HOOK3: variants seen among roughly 807,000 people sequenced by gnomAD.
The protein encoded by HOOK3 is protein Hook homolog 3.
HOOK3 carries 24 observed loss-of-function variants against 116.3 expected under a neutral mutation model. The observed-to-expected ratio is 0.21, with a 90% CI of 0.15 to 0.29. The LOEUF (loss-of-function observed/expected upper bound fraction) is 0.29. HOOK3 is among the 10% of genes least tolerant of loss of function. The pLI, the probability that HOOK3 is intolerant of heterozygous loss-of-function variation, is 1.00. For synonymous variants in HOOK3, 275 were observed against 283.0 expected (o/e 0.97, Z 0.28); for missense variants, 632 against 830.2 (o/e 0.76, Z 2.93).
Position 42,900,463 on chromosome 8 carries a change from A to T in HOOK3, c.57+3275A>T, listed in dbSNP as rs570399975. Among the ~76,000 whole-genome samples, 9 of 152,318 alleles carry T rather than the reference A, an allele frequency of 5.9e-5. No individual in the cohort carries two copies. In the South Asian group the frequency reaches 1.9e-3, roughly 32 times the overall value. On this transcript the variant is annotated intron_variant, in intron 1 of 21. Coordinates refer to ENST00000307602, the MANE Select transcript of HOOK3 (RefSeq NM_032410.4). Reference sequence around the variant, plus strand: ...TTTGGGATAACCTAGCAACATTAATATGTCCTTATTGTTTTCATATTACTT... The same window carrying T: ...TTTGGGATAACCTAGCAACATTAATTTGTCCTTATTGTTTTCATATTACTT...
rs371703999 is a variant in HOOK3 at position 43,010,423 on chromosome 8, A to G, written c.1839+18A>G. The G allele has an allele frequency of 2.9e-6, 3 of 1,045,152 alleles. No individual in the cohort carries two copies. The highest frequency in any genetic ancestry group is 3.3e-5 in the African/African-American group (2 of 60,222). 64.7% of individuals were successfully genotyped at this position (1,045,152 alleles called of 1,614,324 possible). On this transcript the variant is annotated intron_variant, in intron 19 of 21. Transcript: ENST00000307602. ...CCAAAAGTGTAAGTATGAATTTTGT[A>G]GGCATCTCACTCTACCTTCTGATCA...
chr8:42,986,608 C>T (rs1227659296), intron 14 of HOOK3, 47 bp from the exon 15 acceptor site: 1 of 1,487,346 alleles, frequency 6.7e-7, no homozygotes, highest in African/African-American at 1.4e-5. Flanking sequence ...TATTAATGCA[C>T]CAAATGACTG....
chr8:42,995,019 A>G (rs138804571), intron 15 of HOOK3, among the ~76,000 whole-genome samples: 2,005 of 152,336 alleles, frequency 0.013, 47 homozygotes, highest in African/African-American at 0.045. Context: ...TGGTATTACT[A>G]GTAATGTGTT....
intron 14 of HOOK3, among the ~76,000 whole-genome samples, chr8:42,984,773 A>G (rs891796295): frequency 1.3e-5 from 2 of 151,994 alleles, no homozygotes; most frequent in African/African-American, 4.8e-5. Context: ...GTGTGCTAGC[A>G]CACGCCTGTA....
chr8:42,906,321 C>A, intron 2 of HOOK3, 63 bp downstream of exon 2: 1 of 1,205,826 alleles, frequency 8.3e-7, no homozygotes, highest in Non-Finnish European at 1.2e-6. Context: ...AGGTTGAAAA[C>A]ATGGATTAAA....
At chr8:42,973,485 T>G in intron 12 of HOOK3, 86 bp downstream of exon 12, 3 of 780,412 alleles carry the variant, frequency 3.8e-6, no homozygotes, top group Middle Eastern at 2.5e-4. Flanking sequence ...CACATTCATT[T>G]AAGTTATGAA....
intron 1 of HOOK3, among the ~76,000 whole-genome samples, chr8:42,899,420 G>T (rs1586581098): frequency 6.6e-6 from 1 of 152,146 alleles, no homozygotes; most frequent in East Asian, 1.9e-4. Context: ...AAGATGTACA[G>T]TTCTAAAATT....
chr8:42,935,441 T>C (rs1807948914), intron 4 of HOOK3, among the ~76,000 whole-genome samples: 2 of 152,180 alleles, frequency 1.3e-5, no homozygotes, highest in Admixed American at 1.3e-4. Context: ...TTGCTTTTGG[T>C]GTTTTAGTCA....
At chr8:42,943,532 C>T in intron 5 of HOOK3, 87 bp downstream of exon 5, 2 of 854,406 alleles carry the variant, frequency 2.3e-6, no homozygotes, top group Non-Finnish European at 3.2e-6. Context: ...TCACCAGTAC[C>T]AACAGTAACA....
intron 2 of HOOK3, among the ~76,000 whole-genome samples, chr8:42,917,681 C>A (rs557866521): frequency 2.6e-5 from 4 of 152,264 alleles, no homozygotes; most frequent in African/African-American, 9.6e-5. Context: ...GTTGTGCCTC[C>A]AAGTGCCATT....
intron 1 of HOOK3, among the ~76,000 whole-genome samples, chr8:42,901,523 A>G (rs953546866): frequency 1.3e-5 from 2 of 152,166 alleles, no homozygotes; most frequent in African/African-American, 2.4e-5. Flanking sequence ...CATCACCCCA[A>G]AAATAAACTA....
chr8:42,996,324 T>G (rs1313574104), intron 15 of HOOK3, among the ~76,000 whole-genome samples: 3 of 145,678 alleles, frequency 2.1e-5, no homozygotes, highest in Non-Finnish European at 4.5e-5. Flanking sequence ...AGGCGGAGGT[T>G]GCAGTGAGCT....
At position 42,925,647 on chromosome 8, in the gene HOOK3, CT is replaced by C. The variant is rs756468413; in HGVS notation, c.216+19del. The C allele has an allele frequency of 8.6e-6, 13 of 1,504,174 alleles. No homozygotes were observed. Among genetic ancestry groups the C allele is most frequent in the Non-Finnish European group, 1.2e-5 (13 of 1,092,350 alleles). 93.2% of individuals were successfully genotyped at this position (1,504,174 alleles called of 1,614,324 possible). A position where few individuals can be genotyped will look rare whatever the true frequency, so the allele number is the denominator to read the frequency against. ...GGCTAAAGGTATTTTATTTTTCCAC[CT>C]GTTAAATCTTTAAATATTTGTATGT... is the stretch of plus-strand genomic sequence containing the variant. On this transcript the variant is annotated intron_variant, in intron 3 of 21. Coordinates refer to ENST00000307602, the MANE Select transcript of HOOK3 (RefSeq NM_032410.4).
At chr8:42,905,437 G>A (rs1807287479) in intron 1 of HOOK3, among the ~76,000 whole-genome samples, 1 of 151,618 alleles carries the variant, frequency 6.6e-6, no homozygotes, top group Admixed American at 6.6e-5. Flanking sequence ...ATGAGATGAC[G>A]GCTCACAGTA....
chr8:42,989,482 A>C (rs1200022453), intron 15 of HOOK3, among the ~76,000 whole-genome samples: 1 of 152,122 alleles, frequency 6.6e-6, no homozygotes, highest in Non-Finnish European at 1.5e-5. Flanking sequence ...TTGTGGGTAC[A>C]TAGTAGGTAT....
rs1263413963 is a variant in HOOK3 at position 42,968,097 on chromosome 8, G to T, written c.1005G>T (p.Arg335=). ...KKLEDLGDLR[R]QVKLLEEKNT... ...TAGAAGACCTTGGTGATTTAAGGCG[G>T]CAGGTTAAACTCTTAGAAGAGAAGA... Residue 335 remains arginine, a synonymous_variant, in exon 11 of 22, where the codon CGG becomes CGT. Transcript: ENST00000307602. 6.2e-7 allele frequency: 1 copy of T among 1,611,210 alleles called. No individual in the cohort carries two copies. Among genetic ancestry groups the T allele is most frequent in the Non-Finnish European group, 8.5e-7 (1 of 1,177,482 alleles).
At chr8:42,966,349 A>C in intron 9 of HOOK3, 124 bp from the exon 10 acceptor site, 2 of 940,248 alleles carry the variant, frequency 2.1e-6, no homozygotes, top group Non-Finnish European at 3.1e-6. Context: ...GCTTGTGGCC[A>C]CTAACATGGG....
chr8:42,976,245 G>A (rs907470683), intron 13 of HOOK3, among the ~76,000 whole-genome samples: 4 of 152,046 alleles, frequency 2.6e-5, no homozygotes, highest in African/African-American at 9.7e-5. Context: ...TGGTGGTCAT[G>A]CCTGTAATCT....
chr8:42,943,261 T>G, intron 4 of HOOK3, 52 bp from the exon 5 acceptor site: 2 of 1,207,362 alleles, frequency 1.7e-6, no homozygotes, highest in Non-Finnish European at 2.2e-6. Context: ...GTTTTTTTTT[T>G]TTTTGGTCAT....
Sources: allele counts gnomAD v4.1 joint callset (sites outside exome capture counted in the v4.1 genomes callset), GRCh38; gene constraint gnomAD v4.1.1; transcripts MANE v1.5; gene names NCBI Gene and HGNC (gene_info 2026-07-23, HGNC 2026-07-21).